ADGRV1: variants seen among roughly 807,000 people sequenced by gnomAD.
The protein encoded by ADGRV1 is G-protein coupled receptor 98.
Under a neutral mutation model 596.2 loss-of-function variants are expected in ADGRV1, and 359 were observed. That is an observed-to-expected ratio of 0.60 (90% CI 0.55 to 0.66). The LOEUF is 0.66. Ranked by LOEUF, ADGRV1 falls within the 30% of genes least tolerant of loss-of-function variation. ADGRV1 has a pLI of 0.00. For synonymous variants in ADGRV1, 2,681 were observed against 2,679.2 expected (o/e 1.00, Z -0.02); for missense variants, 7,274 against 7,575.6 (o/e 0.96, Z 1.48).
chr5:90,978,572 G>A (rs1779820920), intron 84 of ADGRV1, among the ~76,000 whole-genome samples: 2 of 152,070 alleles, frequency 1.3e-5, no homozygotes, highest in Admixed American at 1.3e-4. Context: ...ATAATGAAAA[G>A]AGTGGAATAG....
chr5:91,004,397 G>A (rs933285385), intron 85 of ADGRV1, among the ~76,000 whole-genome samples: 15 of 151,216 alleles, frequency 9.9e-5, no homozygotes, highest in South Asian at 2.1e-4. Flanking sequence ...CTAATTTATC[G>A]GCTTTATAAA....
intron 74 of ADGRV1, among the ~76,000 whole-genome samples, chr5:90,812,711 T>A (rs1762546814): frequency 6.6e-6 from 1 of 152,214 alleles, no homozygotes; most frequent in African/African-American, 2.4e-5. Context: ...CAAATTTACA[T>A]CAATTAGTAT....
Position 91,150,030 on chromosome 5 carries a change from G to A in ADGRV1, c.18433G>A (p.Gly6145Arg). The A allele has an allele frequency of 7.0e-7, 1 of 1,419,458 alleles. No homozygotes were observed. The highest frequency in any genetic ancestry group is 9.3e-7 in the Non-Finnish European group (1 of 1,080,520). The allele number at this position is 1,419,458 out of a possible 1,614,324, so 87.9% of individuals were successfully genotyped here. The change falls in exon 88 of 90, where the codon GGA (glycine) becomes AGA (arginine). Residue 6145 changes from glycine (G) to arginine (R), a missense_variant and splice_region_variant. Transcript: ENST00000405460. ...TTTTCTTTTTTTTTTTTTTTTGCAG[G>A]GACTTTATGTTTTCATGGTTTATTT... ...VLFVIFNSLQ[G>R]LYVFMVYFIL...
At chr5:90,852,983 C>T (rs890586755) in intron 79 of ADGRV1, among the ~76,000 whole-genome samples, 1 of 152,160 alleles carries the variant, frequency 6.6e-6, no homozygotes, top group Non-Finnish European at 1.5e-5. Context: ...CTTTTAAAGC[C>T]ACAGATTTCA....
rs1432559933 is a variant in ADGRV1 at position 90,759,392 on chromosome 5, C to T, written c.11941-17C>T. 1.3e-5 allele frequency: 20 copies of T among 1,517,744 alleles called. No individual in the cohort carries two copies. The highest frequency in any genetic ancestry group is 2.4e-5 in the South Asian group (2 of 82,610). The allele number at this position is 1,517,744 out of a possible 1,614,324, so 94.0% of individuals were successfully genotyped here. ...TTTTCCTCCCTCTCTTTCTCCCTTC[C>T]TTCCTTTCTTTCATAGGTTACTGCA... On this transcript the variant is annotated splice_polypyrimidine_tract_variant and intron_variant, in intron 57 of 89. Transcript: ENST00000405460.
Position 91,147,562 on chromosome 5 carries a change from T to C in ADGRV1, c.18433-2468T>C, listed in dbSNP as rs117850413. 4.6e-3 allele frequency among the ~76,000 whole-genome samples: 695 copies of C among 152,288 alleles called. 47 individuals carry two copies. In the East Asian group the frequency reaches 0.12, roughly 26 times the overall value. The stretch of plus-strand genomic sequence containing the variant: ...CTAGCATTTCTCCTGCTTGCACGCA[T>C]TCTCTCTCCTGCCTCCCTGTGAAGA... On this transcript the variant is annotated intron_variant, in intron 87 of 89. Transcript: ENST00000405460.
intron 75 of ADGRV1, among the ~76,000 whole-genome samples, chr5:90,817,574 T>C (rs1232000367): frequency 0.041 from 6,197 of 150,794 alleles, 445 homozygotes; most frequent in African/African-American, 0.15. Flanking sequence ...TTAATCCATC[T>C]TGAATTGATT....
chr5:90,653,047 C>T (rs2149465500), intron 19 of ADGRV1, among the ~76,000 whole-genome samples, 162 bp from the exon 20 acceptor site: 1 of 152,188 alleles, frequency 6.6e-6, no homozygotes, highest in African/African-American at 2.4e-5. Context: ...CATATCCTGC[C>T]CCTAAAATGT....
Position 90,642,674 on chromosome 5 carries a change from C to A in ADGRV1, c.2279C>A (p.Thr760Asn), listed in dbSNP as rs1767126217. ...VENQVLKSGY[T>N]SRDLIILEND... is the part of the protein sequence containing the mutation. ...AACCAAGTGCTGAAATCTGGATATA[C>A]TAGCCGTGACCTAATTATTTTGGAA... Residue 760 changes from threonine to asparagine, a missense_variant, in exon 12 of 90, where the codon ACT (threonine) becomes AAT (asparagine). By Grantham distance (65) the Thr-to-Asn change is moderately conservative. This residue lies in a region of ADGRV1 where 1,715 missense variants were observed against 1,708.8 expected (regional missense o/e 1.00). Transcript: ENST00000405460. 6.2e-7 allele frequency: 1 copy of A among 1,613,376 alleles called. No individual in the cohort carries two copies. Among genetic ancestry groups the A allele is most frequent in the Non-Finnish European group, 8.5e-7 (1 of 1,179,536 alleles).
At chr5:90,884,057 A>G (rs1770047350) in intron 83 of ADGRV1, among the ~76,000 whole-genome samples, 1 of 152,174 alleles carries the variant, frequency 6.6e-6, no homozygotes, top group Non-Finnish European at 1.5e-5. Flanking sequence ...GCACATTAAC[A>G]TTACTGGCAT....
chr5:91,116,583 G>C lies in ADGRV1; in HGVS notation c.18432+14243G>C, dbSNP rs896993202. Reference sequence around the variant, plus strand: ...TTCCCTTCAGTTAGTCTGATTATTCGGTCTCTTCAGAAGCCCAATGATGTC... The same window carrying C: ...TTCCCTTCAGTTAGTCTGATTATTCCGTCTCTTCAGAAGCCCAATGATGTC... On this transcript the variant is annotated intron_variant, in intron 87 of 89. Transcript: ENST00000405460. Among the ~76,000 whole-genome samples the C allele has an allele frequency of 2.0e-5, 3 of 152,134 alleles. No individual in the cohort carries two copies. The East Asian group carries it at 5.8e-4, about 29-fold the overall frequency.
rs538896540 is a variant in ADGRV1 at position 90,766,641 on chromosome 5, TAAG to T, written c.12285+3176_12285+3178del. ...TATGTGTCTCAGCCTCCCACAGTGA[TAAG>T]AAGTGAAGGCGCAAGGTCCTATCTA... On this transcript the variant is annotated intron_variant, in intron 59 of 89. Coordinates refer to ENST00000405460, the MANE Select transcript of ADGRV1 (RefSeq NM_032119.4). 3.6e-4 allele frequency among the ~76,000 whole-genome samples: 55 copies of T among 152,332 alleles called. 1 individual carries two copies. The South Asian group carries it at 0.011, about 31-fold the overall frequency.
At chr5:90,990,596 C>G (rs1262399632) in intron 85 of ADGRV1, among the ~76,000 whole-genome samples, 3 of 152,196 alleles carry the variant, frequency 2.0e-5, no homozygotes, top group Non-Finnish European at 4.4e-5. Context: ...TGCTGTGCGG[C>G]CCTATTCCTA....
At chr5:91,090,064 A>G (rs1229857808) in intron 86 of ADGRV1, among the ~76,000 whole-genome samples, 1 of 152,190 alleles carries the variant, frequency 6.6e-6, no homozygotes, top group African/African-American at 2.4e-5. Context: ...ATTCCACCTT[A>G]TGAAACATTT....
intron 87 of ADGRV1, among the ~76,000 whole-genome samples, chr5:91,137,803 A>G (rs1470142643): frequency 3.3e-5 from 5 of 152,302 alleles, no homozygotes; most frequent in Admixed American, 6.5e-5. Flanking sequence ...TGTTCTGTTC[A>G]CTGCCTGCAT....
At chr5:90,821,423 G>A (rs1386772060) in intron 75 of ADGRV1, among the ~76,000 whole-genome samples, 40 of 151,938 alleles carry the variant, frequency 2.6e-4, no homozygotes, top group African/African-American at 9.2e-4. Flanking sequence ...GCTCGTGAAA[G>A]TCATTCTCCA....
intron 83 of ADGRV1, among the ~76,000 whole-genome samples, chr5:90,867,204 T>G (rs74369115): frequency 1.4e-3 from 212 of 152,240 alleles, no homozygotes; most frequent in African/African-American, 5.0e-3. Context: ...AGTTTCCTCA[T>G]AGAAAACATG....
chr5:90,744,193 C>G (rs372738069), intron 50 of ADGRV1, among the ~76,000 whole-genome samples: 19 of 152,002 alleles, frequency 1.2e-4, no homozygotes, highest in African/African-American at 4.3e-4. Flanking sequence ...CACTATGTTG[C>G]CGGGTCTCGA....
chr5:90,663,604 C>T (rs1021361570), intron 21 of ADGRV1, among the ~76,000 whole-genome samples: 5 of 152,178 alleles, frequency 3.3e-5, no homozygotes, highest in African/African-American at 1.2e-4. Flanking sequence ...TGTGCAGAAG[C>T]TCTTGAGTTT....
Sources: allele counts gnomAD v4.1 joint callset (sites outside exome capture counted in the v4.1 genomes callset), GRCh38; gene constraint gnomAD v4.1.1; regional missense constraint gnomAD v4.1.1; transcripts MANE v1.5; gene names NCBI Gene and HGNC (gene_info 2026-07-23, HGNC 2026-07-21).